SGCD: variants seen among roughly 807,000 people sequenced by gnomAD.
SGCD encodes the protein delta-sarcoglycan.
SGCD carries 18 observed loss-of-function variants against 36.6 expected under a neutral mutation model. That is an observed-to-expected ratio of 0.49 (90% CI 0.34 to 0.73). The LOEUF is 0.73. Among genes scored for constraint, SGCD ranks in the 30% least tolerant of loss-of-function variants. The probability of loss-of-function intolerance (pLI) is 0.01; values close to 1 mark genes in which losing one functional copy is unlikely to be tolerated. For synonymous variants in SGCD, 133 were observed against 130.6 expected (o/e 1.02, Z -0.12); for missense variants, 387 against 346.7 (o/e 1.12, Z -0.92).
intron 3 of SGCD, among the ~76,000 whole-genome samples, chr5:156,270,275 G>A (rs1339361720): frequency 6.6e-6 from 1 of 152,072 alleles, no homozygotes; most frequent in Non-Finnish European, 1.5e-5. Flanking sequence ...CCATAGCTCT[G>A]TAGTATATTT....
intron 1 of SGCD, among the ~76,000 whole-genome samples, chr5:156,076,071 A>G (rs374315201): frequency 1.3e-5 from 2 of 152,004 alleles, no homozygotes; most frequent in East Asian, 1.9e-4. Flanking sequence ...TTCATTTTAG[A>G]ATGAGATCAC....
intron 3 of SGCD, among the ~76,000 whole-genome samples, chr5:156,357,535 G>A (rs1580867520): frequency 6.6e-6 from 1 of 152,178 alleles, no homozygotes; most frequent in South Asian, 2.1e-4. Context: ...TATTGGCTCA[G>A]CCATTGTCGA....
At chr5:156,096,277 G>C (rs1469943235) in intron 1 of SGCD, among the ~76,000 whole-genome samples, 1 of 152,162 alleles carries the variant, frequency 6.6e-6, no homozygotes, top group Admixed American at 6.5e-5. Flanking sequence ...ACCAAACATT[G>C]TAGCCAAATG....
chr5:155,906,795 AT>A (rs1756522855), intron 1 of SGCD, among the ~76,000 whole-genome samples: 2 of 151,928 alleles, frequency 1.3e-5, no homozygotes. Context: ...GCAAATGTTG[AT>A]GCAGAAGCTG....
chr5:155,824,838 T>C, the SGCD span, among the ~76,000 whole-genome samples: 2 of 152,318 alleles, frequency 1.3e-5, no homozygotes, highest in African/African-American at 2.4e-5. Context: ...GGTCATTTTG[T>C]GAGCAACTGC....
At chr5:156,341,523 A>C (rs1056194118) in intron 2 of SGCD, among the ~76,000 whole-genome samples, 7 of 151,902 alleles carry the variant, frequency 4.6e-5, no homozygotes, top group African/African-American at 1.7e-4. Context: ...AATTTGTACT[A>C]TATTTGTTCA....
At chr5:155,992,513 G>A (rs1758453680) in intron 1 of SGCD, among the ~76,000 whole-genome samples, 1 of 152,146 alleles carries the variant, frequency 6.6e-6, no homozygotes, top group South Asian at 2.1e-4. Context: ...TTATTCATGA[G>A]CACTAATTGG....
the SGCD span, among the ~76,000 whole-genome samples, chr5:155,841,248 A>C: frequency 1.3e-5 from 2 of 152,174 alleles, no homozygotes; most frequent in Admixed American, 6.5e-5. Context: ...TGAAGACCCA[A>C]AGGTACAGGG....
chr5:155,988,269 AAAG>A (rs1758370598), intron 1 of SGCD, among the ~76,000 whole-genome samples: 1 of 152,152 alleles, frequency 6.6e-6, no homozygotes, highest in South Asian at 2.1e-4. Context: ...TTTAAAGCAT[AAAG>A]AAGGAGAAAA....
intron 3 of SGCD, among the ~76,000 whole-genome samples, chr5:156,438,721 C>A (rs1414391780): frequency 6.6e-6 from 1 of 152,020 alleles, no homozygotes; most frequent in African/African-American, 2.4e-5. Context: ...AAATGGTGTC[C>A]CATTTTCAAC....
chr5:156,724,523 G>T (rs931704740), intron 7 of SGCD, among the ~76,000 whole-genome samples: 2 of 151,938 alleles, frequency 1.3e-5, no homozygotes, highest in Non-Finnish European at 2.9e-5. Flanking sequence ...AGGAGAATGG[G>T]GTGAACCCAG....
chr5:155,920,398 G>T (rs1414577667), intron 1 of SGCD, among the ~76,000 whole-genome samples: 1 of 152,152 alleles, frequency 6.6e-6, no homozygotes, highest in Non-Finnish European at 1.5e-5. Context: ...AAGAAAAGGA[G>T]GAGAAGGGAG....
chr5:156,457,074 C>T (rs1754294347), intron 3 of SGCD, among the ~76,000 whole-genome samples: 1 of 152,058 alleles, frequency 6.6e-6, no homozygotes, highest in Admixed American at 6.6e-5. Context: ...GAACAGAAAC[C>T]AAAACCACAT....
intron 3 of SGCD, among the ~76,000 whole-genome samples, chr5:156,244,725 T>C (rs1426137737): frequency 6.6e-6 from 1 of 152,230 alleles, no homozygotes; most frequent in South Asian, 2.1e-4. Flanking sequence ...TAGATATTGA[T>C]GGTTATAAAT....
intron 7 of SGCD, among the ~76,000 whole-genome samples, chr5:156,684,962 T>C (rs1016484819): frequency 2.6e-5 from 4 of 152,074 alleles, no homozygotes; most frequent in African/African-American, 9.7e-5. Context: ...GTGGATATCA[T>C]CTGCAGAAGA....
intron 1 of SGCD, among the ~76,000 whole-genome samples, chr5:156,078,537 ATT>A (rs1285117033): frequency 1.4e-5 from 2 of 141,554 alleles, no homozygotes; most frequent in African/African-American, 5.3e-5. Flanking sequence ...ATATATATAT[ATT>A]TATTTATATA....
intron 3 of SGCD, among the ~76,000 whole-genome samples, chr5:156,495,230 A>T (rs967265697): frequency 3.9e-5 from 6 of 152,136 alleles, no homozygotes; most frequent in Non-Finnish European, 8.8e-5. Context: ...AAGGCTAAAC[A>T]TAATTGCATA....
chr5:156,181,079 G>A (rs1193268303), intron 3 of SGCD, among the ~76,000 whole-genome samples: 1 of 152,158 alleles, frequency 6.6e-6, no homozygotes, highest in East Asian at 1.9e-4. Context: ...TTGGGAAGGA[G>A]GATCAGAGAG....
At chr5:156,449,931 G>A (rs957207888) in intron 3 of SGCD, among the ~76,000 whole-genome samples, 1 of 151,620 alleles carries the variant, frequency 6.6e-6, no homozygotes, top group African/African-American at 2.4e-5. Flanking sequence ...CTCTGTGTGT[G>A]CATATTTGGG....
Sources: allele counts gnomAD v4.1 joint callset (sites outside exome capture counted in the v4.1 genomes callset), GRCh38; gene constraint gnomAD v4.1.1; transcripts MANE v1.5; gene names NCBI Gene and HGNC (gene_info 2026-07-23, HGNC 2026-07-21).